SEC23B: variants seen among roughly 807,000 people sequenced by gnomAD.
SEC23B encodes the protein SEC23 homolog B, COPII component.
Under a neutral mutation model 104.3 loss-of-function variants are expected in SEC23B, and 77 were observed. That is an observed-to-expected ratio of 0.74 (90% CI 0.61 to 0.89). SEC23B has a LOEUF of 0.89. SEC23B is among the 40% of genes least tolerant of loss of function. The pLI is 0.00. For missense variants in SEC23B, 885 were observed against 949.4 expected, an observed-to-expected ratio of 0.93 and a Z score of 0.89; for synonymous variants, 338 against 332.5, an observed-to-expected ratio of 1.02 and a Z score of -0.18.
At chr20:18,525,303 C>G (rs1474435230) in intron 6 of SEC23B, among the ~76,000 whole-genome samples, 1 of 152,112 alleles carries the variant, frequency 6.6e-6, no homozygotes, top group Non-Finnish European at 1.5e-5. Context: ...TACTTATGAC[C>G]GGGTATTCAC....
intron 4 of SEC23B, among the ~76,000 whole-genome samples, chr20:18,519,901 C>T (rs1412552189): frequency 2.0e-5 from 3 of 151,956 alleles, no homozygotes; most frequent in South Asian, 2.1e-4. Context: ...AGAATTATGC[C>T]GAGATAGGTA....
chr20:18,514,988 T>C (rs2060012745), intron 3 of SEC23B, among the ~76,000 whole-genome samples: 1 of 152,228 alleles, frequency 6.6e-6, no homozygotes, highest in South Asian at 2.1e-4. Context: ...GCCTTTAATT[T>C]GCAGGGCAAA....
intron 3 of SEC23B, among the ~76,000 whole-genome samples, chr20:18,514,542 C>T (rs977561452): frequency 2.6e-5 from 4 of 152,178 alleles, no homozygotes; most frequent in South Asian, 2.1e-4. Flanking sequence ...GGTCACTGGC[C>T]TGGAGTGATC....
intron 19 of SEC23B, among the ~76,000 whole-genome samples, chr20:18,559,086 G>C (rs529515468): frequency 1.3e-4 from 19 of 150,336 alleles, no homozygotes; most frequent in African/African-American, 3.7e-4. Flanking sequence ...TTGGTGGGGG[G>C]GGTGTCGGGG....
rs1465797080 is a variant in SEC23B, at chr20:18,515,910, CATT to C, written c.366+177_366+179del. 6 of 639,874 alleles carry C rather than the reference CATT, an allele frequency of 9.4e-6. No individual in the cohort carries two copies. In the African/African-American group the frequency reaches 1.1e-4, roughly 12 times the overall value. The allele number at this position is 639,874 out of a possible 1,614,324, so 39.6% of individuals were successfully genotyped here. ...TACTGGCATTGTTTTCAAGTCCTGA[CATT>C]ATAGAAGGCTACTAAAAAGGTAGAA... On this transcript the variant is annotated intron_variant, in intron 4 of 19. Transcript: ENST00000650089.
intron 15 of SEC23B, 109 bp from the exon 16 acceptor site, chr20:18,548,500 G>C (rs772935959): frequency 3.6e-4 from 374 of 1,031,566 alleles, no homozygotes; most frequent in Non-Finnish European, 4.9e-4. Flanking sequence ...AAACCAGAGA[G>C]CCCTTTTCTG....
At chr20:18,547,982 G>C (rs1435109906) in intron 15 of SEC23B, among the ~76,000 whole-genome samples, 1 of 151,722 alleles carries the variant, frequency 6.6e-6, no homozygotes, top group African/African-American at 2.4e-5. Context: ...ACGGAGTTTT[G>C]CTCTTGTTGC....
chr20:18,546,523 T>C (rs914122463), intron 15 of SEC23B, among the ~76,000 whole-genome samples: 1 of 152,180 alleles, frequency 6.6e-6, no homozygotes, highest in African/African-American at 2.4e-5. Context: ...TGGAAGCCAT[T>C]GGACAAGAGA....
Position 18,515,595 on chromosome 20 carries a change from TAA to T in SEC23B, c.280-51_280-50del, listed in dbSNP as rs145202291. ...CATTATCATTTTTACACATGGAAAA[TAA>T]AAAGTGTAATATAGTTATGCCAACC... On this transcript the variant is annotated intron_variant, in intron 3 of 19. Coordinates refer to ENST00000650089, the MANE Select transcript of SEC23B (RefSeq NM_006363.6). The T allele has an allele frequency of 2.2e-4, 232 of 1,033,834 alleles. 1 individual carries two copies. The African/African-American group carries it at 3.3e-3, about 15-fold the overall frequency. The allele number at this position is 1,033,834 out of a possible 1,614,324, so 64.0% of individuals were successfully genotyped here.
chr20:18,543,133 C>G lies in SEC23B; in HGVS notation c.1626C>G (p.Pro542=), dbSNP rs762544654. 4 of 1,614,080 alleles carry G rather than the reference C, an allele frequency of 2.5e-6. No homozygotes were observed. The East Asian group carries it at 6.7e-5, about 27-fold the overall frequency. ...TCCGAGCGGAGTCAGAGGAGGGGCC[C>G]GATGTGCTCCGGTGGCTGGACCGAC... ...GVFRAESEEG[P]DVLRWLDRQL... is the part of the protein sequence containing the mutation. The change falls in exon 14 of 20, where the codon CCC becomes CCG. Residue 542 remains proline, a synonymous_variant. Coordinates refer to ENST00000650089, the MANE Select transcript of SEC23B (RefSeq NM_006363.6).
intron 12 of SEC23B, among the ~76,000 whole-genome samples, chr20:18,540,016 CA>C (rs1048429928): frequency 4.8e-5 from 1 of 20,654 alleles, no homozygotes; most frequent in Non-Finnish European, 9.6e-5. Flanking sequence ...ACTGAAGTCT[CA>C]AACCCCTCAA....
At chr20:18,508,955 A>G (rs1365069261) in intron 1 of SEC23B, among the ~76,000 whole-genome samples, 1 of 152,116 alleles carries the variant, frequency 6.6e-6, no homozygotes, top group Admixed American at 6.6e-5. Flanking sequence ...TCCTGACCTC[A>G]GGTCATCCAC....
rs2059976177 is a variant in SEC23B at position 18,510,930 on chromosome 20, C to T, written c.95C>T (p.Thr32Ile). 5 of 1,613,956 alleles carry T rather than the reference C, an allele frequency of 3.1e-6. No individual in the cohort carries two copies. Among genetic ancestry groups the T allele is most frequent in the South Asian group, 1.1e-5 (1 of 91,080 alleles). The change falls in exon 2 of 20, where the codon ACA (threonine) becomes ATA (isoleucine). Residue 32 changes from threonine (T) to isoleucine (I), a missense_variant. Coordinates refer to ENST00000650089, the MANE Select transcript of SEC23B (RefSeq NM_006363.6). ...NVWPSSRLEA[T>I]RMVVPLACLL... ...TGGCCTTCCAGCCGGCTGGAGGCTA[C>T]AAGAATGGTTGTACCCCTGGCTTGT...
intron 7 of SEC23B, 58 bp from the exon 8 acceptor site, chr20:18,526,315 A>G (rs1360204060): frequency 6.3e-7 from 1 of 1,588,354 alleles, no homozygotes; most frequent in African/African-American, 1.3e-5. Context: ...TGGGAAACTG[A>G]AACCATACTA....
At chr20:18,532,834 T>A in intron 11 of SEC23B, 90 bp downstream of exon 11, 2 of 915,460 alleles carry the variant, frequency 2.2e-6, no homozygotes, top group Non-Finnish European at 3.6e-6. Context: ...ATGTGTCACC[T>A]GTTGGATGTG....
intron 18 of SEC23B, 141 bp downstream of exon 18, chr20:18,554,531 T>G: frequency 8.3e-7 from 1 of 1,199,482 alleles, no homozygotes; most frequent in Non-Finnish European, 1.2e-6. Flanking sequence ...TGACTTCTTT[T>G]TAAATGAGTG....
chr20:18,555,050 A>G (rs2060423171), intron 18 of SEC23B, 58 bp from the exon 19 acceptor site: 4 of 1,483,772 alleles, frequency 2.7e-6, no homozygotes, highest in East Asian at 2.3e-5. Flanking sequence ...TTTCTGTTAC[A>G]TTAATATTAA....
chr20:18,544,742 A>C (rs1176446778), intron 14 of SEC23B, among the ~76,000 whole-genome samples: 1 of 152,174 alleles, frequency 6.6e-6, no homozygotes, highest in African/African-American at 2.4e-5. Context: ...AGAAAAGGCT[A>C]TTGTTGTGAA....
Position 18,548,770 on chromosome 20 carries a change from GGTGA to G in SEC23B, c.1905+2_1905+5del. On this transcript the variant is annotated splice_donor_variant and splice_donor_region_variant and intron_variant, in intron 16 of 19. Transcript: ENST00000650089. LOFTEE classifies it high-confidence loss of function. ...CTTACTCCTTTCATGGGCCACCAGA[GGTGA>G]GGCTCTACCCAAATGCTTTCCTGAG... 2.5e-6 allele frequency: 4 copies of G among 1,613,974 alleles called. No individual in the cohort carries two copies. Among genetic ancestry groups the G allele is most frequent in the Non-Finnish European group, 3.4e-6 (4 of 1,179,932 alleles).
Sources: gnomAD v4.1 joint callset for allele counts (sites outside exome capture counted in the v4.1 genomes callset) on GRCh38, gnomAD v4.1.1 for gene constraint, MANE v1.5 for transcripts, NCBI Gene and HGNC (gene_info 2026-07-23, HGNC 2026-07-21) for gene names.